ARL9: variants seen among roughly 807,000 people sequenced by gnomAD.
ARL9 encodes the protein ADP-ribosylation factor-like protein 9.
ARL9 carries 14 observed loss-of-function variants against 27.0 expected under a neutral mutation model. The observed-to-expected ratio is 0.52, with a 90% CI of 0.34 to 0.81. The LOEUF (loss-of-function observed/expected upper bound fraction) is 0.81. Among genes scored for constraint, ARL9 ranks in the 30% least tolerant of loss-of-function variants. ARL9 has a pLI of 0.01. For synonymous variants in ARL9, 106 were observed against 108.7 expected, an observed-to-expected ratio of 0.98 and a Z score of 0.15; for missense variants, 294 against 290.0, an observed-to-expected ratio of 1.01 and a Z score of -0.10.
Position 56,505,798 on chromosome 4 carries a change from G to A in ARL9, c.-65G>A, listed in dbSNP as rs911969770. ...GCGTGCACCTCGGGAGCCACACCTG[G>A]GGCCCAGAGCCACCGCTCAGCACGC... On this transcript the variant is annotated 5_prime_UTR_variant, in exon 1 of 4. Coordinates refer to ENST00000640821, the MANE Select transcript of ARL9 (RefSeq NM_001363794.2). 1.1e-4 allele frequency: 147 copies of A among 1,330,702 alleles called. No homozygotes were observed. The highest frequency in any genetic ancestry group is 1.4e-4 in the Non-Finnish European group (145 of 1,044,432). The allele number at this position is 1,330,702 out of a possible 1,614,324, so 82.4% of individuals were successfully genotyped here.
At chr4:56,523,365 G>A (rs998446434) in intron 3 of ARL9, among the ~76,000 whole-genome samples, 9 of 152,102 alleles carry the variant, frequency 5.9e-5, no homozygotes, top group African/African-American at 2.2e-4. Context: ...CTCCAGCCTG[G>A]GCGACAAAGC....
At chr4:56,518,651 G>A (rs368996796) in intron 2 of ARL9, 27 bp from the exon 3 acceptor site, 33 of 1,590,974 alleles carry the variant, frequency 2.1e-5, no homozygotes, top group African/African-American at 2.0e-4. Context: ...GTGTGTGTGT[G>A]TCTTCTTCCT....
upstream of ARL9, chr4:56,505,735 G>A (rs1721437150): frequency 1.4e-6 from 2 of 1,392,224 alleles, no homozygotes; most frequent in East Asian, 2.7e-5. Flanking sequence ...GGCAGCGCCC[G>A]CGGGTTGTCT....
Position 56,511,214 on chromosome 4 carries a change from C to T in ARL9, c.309C>T (p.Gly103=). 6.2e-7 allele frequency: 1 copy of T among 1,607,790 alleles called. No homozygotes were observed. The change falls in exon 2 of 4, where the codon GGC becomes GGT. Residue 103 remains glycine, a synonymous_variant. Coordinates refer to ENST00000640821, the MANE Select transcript of ARL9 (RefSeq NM_001363794.2). ...AAAACAAGCAAATCCTAGTGCTGGG[C>T]CTGGATGGAGCAGGAAAAACCAGTG... ...LEKNKQILVL[G]LDGAGKTSVL...
intron 3 of ARL9, among the ~76,000 whole-genome samples, chr4:56,520,223 G>T (rs937514003): frequency 6.6e-6 from 1 of 152,104 alleles, no homozygotes; most frequent in Non-Finnish European, 1.5e-5. Flanking sequence ...CGCTGATCTC[G>T]AACTTTTGGC....
rs1474843938 is a variant in ARL9, at chr4:56,518,842, GCAAA to G, written c.614_617del (p.Lys205ArgfsTer34). On this transcript the variant is annotated frameshift_variant, in exon 3 of 4. Transcript: ENST00000640821. LOFTEE classifies it high-confidence loss of function. The stretch of plus-strand genomic sequence containing the variant: ...CCCAGTACTTCCTCTGGTTGTGTTT[GCAAA>G]CAAACAGGTAAAAATCTGTGCAAAT... The G allele has an allele frequency of 1.2e-5, 20 of 1,613,042 alleles. No individual in the cohort carries two copies. Among genetic ancestry groups the G allele is most frequent in the Non-Finnish European group, 1.4e-5 (17 of 1,179,608 alleles).
chr4:56,510,602 A>G (rs1176143500), intron 1 of ARL9, among the ~76,000 whole-genome samples: 2 of 152,162 alleles, frequency 1.3e-5, no homozygotes, highest in African/African-American at 4.8e-5. Flanking sequence ...TGTAATCTAT[A>G]GCACTGCTCA....
intron 3 of ARL9, 59 bp downstream of exon 3, chr4:56,518,912 A>G (rs1288080867): frequency 2.1e-6 from 3 of 1,446,896 alleles, no homozygotes; most frequent in Non-Finnish European, 1.9e-6. Flanking sequence ...AGAAATGTAT[A>G]CTTTTAATAC....
In ARL9 at chr4:56,524,099, T is replaced by C; in HGVS notation, c.*223T>C. ...AAAAAGTAAACCCACTGAAGAATAA[T>C]AACACAACAATAAAAATAATACACA... On this transcript the variant is annotated 3_prime_UTR_variant, in exon 4 of 4. Transcript: ENST00000640821. The C allele has an allele frequency of 2.2e-6, 1 of 444,876 alleles. No homozygotes were observed. Among genetic ancestry groups the C allele is most frequent in the Non-Finnish European group, 4.0e-6 (1 of 252,668 alleles). The allele number at this position is 444,876 out of a possible 1,614,324, so 27.6% of individuals were successfully genotyped here.
In ARL9 at chr4:56,518,723, C is replaced by T. The variant is rs768033058; in HGVS notation, c.488C>T (p.Ser163Phe). Residue 163 changes from serine (S) to phenylalanine (F), a missense_variant, in exon 3 of 4, where the codon TCC becomes TTC. Physicochemically the swap from Ser to Phe is radical, Grantham distance 155 (BLOSUM62 -2). Transcript: ENST00000640821. ...CGGTCCTACTGGGAAATGTACCTAT[C>T]CAAGGGATTGCTGCTGATCTTTGTG... ...PFRSYWEMYL[S>F]KGLLLIFVVD... is the part of the protein sequence containing the mutation. 8 of 1,613,788 alleles carry T rather than the reference C, an allele frequency of 5.0e-6. No homozygotes were observed. The highest frequency in any genetic ancestry group is 1.1e-5 in the South Asian group (1 of 91,056).
At chr4:56,507,278 G>A (rs1255968112) in intron 1 of ARL9, among the ~76,000 whole-genome samples, 4 of 152,064 alleles carry the variant, frequency 2.6e-5, no homozygotes, top group East Asian at 1.9e-4. Context: ...TAGGATGGGC[G>A]TAGGGACAGC....
At chr4:56,512,307 C>T (rs1001734325) in intron 2 of ARL9, among the ~76,000 whole-genome samples, 1 of 149,804 alleles carries the variant, frequency 6.7e-6, no homozygotes, top group Non-Finnish European at 1.5e-5. Context: ...AGATCTCATC[C>T]TTGTAATAAA....
chr4:56,515,576 T>A (rs991603360), intron 2 of ARL9, among the ~76,000 whole-genome samples: 3 of 152,158 alleles, frequency 2.0e-5, no homozygotes, highest in Non-Finnish European at 2.9e-5. Context: ...AGTACTTATT[T>A]ACAAATGATA....
rs1337149236 is a variant in ARL9 at position 56,511,170 on chromosome 4, C to G, written c.280-15C>G. 2 of 1,539,554 alleles carry G rather than the reference C, an allele frequency of 1.3e-6. No individual in the cohort carries two copies. The highest frequency in any genetic ancestry group is 2.7e-5 in the African/African-American group (2 of 72,940). On this transcript the variant is annotated splice_polypyrimidine_tract_variant and intron_variant, in intron 1 of 3. Transcript: ENST00000640821. ...TGATAGCATGGGCTTATTGATTTATCTTTTTGTTTCACAGGAGAAAAACAA... is the reference window on the plus strand; with the variant it reads ...TGATAGCATGGGCTTATTGATTTATGTTTTTGTTTCACAGGAGAAAAACAA...
At chr4:56,505,661 C>CG, upstream of ARL9, 1 of 845,112 alleles carries the variant, frequency 1.2e-6, no homozygotes, top group Non-Finnish European at 1.8e-6. Flanking sequence ...GCGGGTTCAG[C>CG]GAATCGGCTG....
chr4:56,512,078 A>T (rs1421026942), intron 2 of ARL9, among the ~76,000 whole-genome samples: 2 of 152,208 alleles, frequency 1.3e-5, no homozygotes, highest in Non-Finnish European at 2.9e-5. Context: ...CACCTCCAGT[A>T]CACAAGTAAA....
chr4:56,509,137 A>T (rs80233451), intron 1 of ARL9, among the ~76,000 whole-genome samples: 19,688 of 151,840 alleles, frequency 0.13, 1,627 homozygotes, highest in East Asian at 0.27. Flanking sequence ...TCTGTCCCTC[A>T]GTCATTTGCC....
chr4:56,505,690 C>G (rs79938142), upstream of ARL9: 33,100 of 1,125,992 alleles, frequency 0.029, 1,281 homozygotes, highest in East Asian at 0.22. Flanking sequence ...CCTGCATCCG[C>G]GAGGTAAGCG....
At chr4:56,511,894 C>T (rs1434950453) in intron 2 of ARL9, among the ~76,000 whole-genome samples, 1 of 152,178 alleles carries the variant, frequency 6.6e-6, no homozygotes, top group Non-Finnish European at 1.5e-5. Context: ...TTTATCTATC[C>T]AGCCCAAACA....
Sources: allele counts gnomAD v4.1 joint callset (sites outside exome capture counted in the v4.1 genomes callset), GRCh38; gene constraint gnomAD v4.1.1; transcripts MANE v1.5; gene names NCBI Gene and HGNC (gene_info 2026-07-23, HGNC 2026-07-21).